The following TMEFF1 variants were observed in gnomAD, a reference collection of about 807,000 sequenced individuals.
The protein encoded by TMEFF1 is tomoregulin-1.
In TMEFF1, 20 loss-of-function variants were observed where a neutral mutation model predicts 47.5. The observed-to-expected ratio is 0.42, with a 90% CI of 0.30 to 0.61. TMEFF1 has a LOEUF of 0.61. TMEFF1 is among the 20% of genes least tolerant of loss of function. The pLI is 0.19. For synonymous variants in TMEFF1, 162 were observed against 166.3 expected (o/e 0.97, Z 0.20); for missense variants, 411 against 471.1 (o/e 0.87, Z 1.18).
chr9:100,532,814 A>T (rs1212550469), intron 5 of TMEFF1, among the ~76,000 whole-genome samples: 1 of 152,134 alleles, frequency 6.6e-6, no homozygotes, highest in Admixed American at 6.5e-5. Flanking sequence ...CATTATTCAC[A>T]ATCGCAAAGA....
chr9:100,554,177 A>G (rs1210570481), intron 7 of TMEFF1, among the ~76,000 whole-genome samples: 4 of 152,198 alleles, frequency 2.6e-5, no homozygotes, highest in Admixed American at 2.6e-4. Context: ...ATAGCGAGAT[A>G]GTGATATCAT....
chr9:100,526,369 T>C lies in TMEFF1; in HGVS notation c.560+9598T>C, dbSNP rs979907325. The stretch of plus-strand genomic sequence containing the variant: ...AGTTATTTGATGATTTCCCTTCCTC[T>C]TTTTTCTATTTTTGGTACTCCTGTT... On this transcript the variant is annotated intron_variant, in intron 5 of 9. Coordinates refer to ENST00000374879, the MANE Select transcript of TMEFF1 (RefSeq NM_003692.5). 6.6e-5 allele frequency among the ~76,000 whole-genome samples: 10 copies of C among 152,184 alleles called. 1 individual carries two copies. Among genetic ancestry groups the C allele is most frequent in the Admixed American group, 5.9e-4 (9 of 15,282 alleles).
chr9:100,551,991 A>G (rs1432173788), intron 7 of TMEFF1, among the ~76,000 whole-genome samples: 1 of 152,178 alleles, frequency 6.6e-6, no homozygotes, highest in East Asian at 1.9e-4. Flanking sequence ...TCTAAGGAGG[A>G]TAGGAGAGCA....
At chr9:100,556,153 G>C (rs927695278) in intron 7 of TMEFF1, among the ~76,000 whole-genome samples, 1 of 152,004 alleles carries the variant, frequency 6.6e-6, no homozygotes, top group African/African-American at 2.4e-5. Flanking sequence ...CACATATTCA[G>C]TTGCCTGGTG....
intron 2 of TMEFF1, 140 bp downstream of exon 2, chr9:100,499,014 A>G: frequency 6.6e-6 from 5 of 759,882 alleles, no homozygotes; most frequent in South Asian, 1.9e-5. Context: ...TTTTTGTCAG[A>G]TGATGCCCTG....
intron 1 of TMEFF1, among the ~76,000 whole-genome samples, chr9:100,497,672 G>T (rs1490226757): frequency 6.6e-6 from 1 of 152,140 alleles, no homozygotes; most frequent in Non-Finnish European, 1.5e-5. Context: ...ACCGGACATA[G>T]AATTCCCTTG....
At chr9:100,515,799 A>AAAAC (rs55806155) in intron 4 of TMEFF1, among the ~76,000 whole-genome samples, 31,976 of 150,888 alleles carry the variant, frequency 0.21, 3,600 homozygotes, top group South Asian at 0.32. Flanking sequence ...CTCCGTCTGA[A>AAAAC]AAACAAACAA....
At chr9:100,563,817 A>G (rs1372008348) in intron 8 of TMEFF1, among the ~76,000 whole-genome samples, 1 of 152,168 alleles carries the variant, frequency 6.6e-6, no homozygotes, top group Admixed American at 6.5e-5. Context: ...ACCTGTGATG[A>G]TGATAAATTT....
intron 5 of TMEFF1, among the ~76,000 whole-genome samples, chr9:100,533,828 C>T (rs1349547986): frequency 1.3e-5 from 2 of 152,124 alleles, no homozygotes; most frequent in East Asian, 1.9e-4. Flanking sequence ...AAGCGATTCT[C>T]CTGCCTCAGC....
intron 5 of TMEFF1, among the ~76,000 whole-genome samples, chr9:100,535,097 GC>G (rs1405895742): frequency 1.2e-4 from 19 of 152,264 alleles, no homozygotes; most frequent in African/African-American, 4.1e-4. Flanking sequence ...TTCTGTAATT[GC>G]CAGGATTGAT....
chr9:100,501,568 A>G (rs953651470), intron 2 of TMEFF1, among the ~76,000 whole-genome samples: 2 of 152,158 alleles, frequency 1.3e-5, no homozygotes, highest in African/African-American at 2.4e-5. Context: ...ATTGCTTACT[A>G]TGCTGAGCAT....
intron 5 of TMEFF1, among the ~76,000 whole-genome samples, chr9:100,526,908 A>C (rs921482764): frequency 2.0e-4 from 30 of 147,744 alleles, no homozygotes; most frequent in Non-Finnish European, 3.3e-4. Flanking sequence ...TCAGGAGTTC[A>C]AGACCAGCCT....
chr9:100,508,333 A>T lies in TMEFF1; in HGVS notation c.307-672A>T, dbSNP rs537686096. On this transcript the variant is annotated intron_variant, in intron 2 of 9. Transcript: ENST00000374879. ...CAGTGTCATTTCTCAAACCTGTATT[A>T]CCTTTTTTCTTCTTCACCTGTCTTA... Among the ~76,000 whole-genome samples the T allele has an allele frequency of 5.3e-5, 8 of 152,186 alleles. No homozygotes were observed. The East Asian group carries it at 1.2e-3, about 22-fold the overall frequency.
chr9:100,565,119 C>T (rs1839098193), intron 8 of TMEFF1, among the ~76,000 whole-genome samples: 1 of 152,092 alleles, frequency 6.6e-6, no homozygotes, highest in African/African-American at 2.4e-5. Flanking sequence ...TAGTGGGCTG[C>T]TGGATATATT....
chr9:100,485,239 A>G (rs969426158), intron 1 of TMEFF1, among the ~76,000 whole-genome samples: 7 of 152,130 alleles, frequency 4.6e-5, no homozygotes, highest in East Asian at 1.9e-4. Context: ...CTTTTTGACT[A>G]TTATGAATAA....
At chr9:100,571,980 A>C (rs1839247761) in intron 8 of TMEFF1, among the ~76,000 whole-genome samples, 1 of 152,056 alleles carries the variant, frequency 6.6e-6, no homozygotes, top group African/African-American at 2.4e-5. Context: ...TGGTAATGTG[A>C]GTGATGGGGA....
At chr9:100,555,607 T>C (rs1838901703) in intron 7 of TMEFF1, among the ~76,000 whole-genome samples, 1 of 152,208 alleles carries the variant, frequency 6.6e-6, no homozygotes, top group Non-Finnish European at 1.5e-5. Context: ...TAATATCTAC[T>C]ACCTAAGATC....
At chr9:100,484,650 C>G (rs930509708) in intron 1 of TMEFF1, among the ~76,000 whole-genome samples, 1 of 151,338 alleles carries the variant, frequency 6.6e-6, no homozygotes, top group Non-Finnish European at 1.5e-5. Flanking sequence ...CAGTCACTCC[C>G]CAATCCCCAC....
At chr9:100,545,113 G>T (rs1052195916) in intron 5 of TMEFF1, among the ~76,000 whole-genome samples, 2 of 152,160 alleles carry the variant, frequency 1.3e-5, no homozygotes, top group Admixed American at 6.5e-5. Context: ...GTCATTCTGG[G>T]GTCTGGAGGT....
Sources: gnomAD v4.1 joint callset for allele counts (sites outside exome capture counted in the v4.1 genomes callset) on GRCh38, gnomAD v4.1.1 for gene constraint, MANE v1.5 for transcripts, NCBI Gene and HGNC (gene_info 2026-07-23, HGNC 2026-07-21) for gene names.